The following CASKIN1 variants were observed in gnomAD, a reference collection of about 807,000 sequenced individuals.
CASKIN1 encodes the protein caskin-1.
In CASKIN1, 42 loss-of-function variants were observed where a neutral mutation model predicts 117.5. The observed-to-expected ratio is 0.36, with a 90% CI of 0.28 to 0.46. The LOEUF is 0.46. Among genes scored for constraint, CASKIN1 ranks in the 20% least tolerant of loss-of-function variants. The pLI, the probability that CASKIN1 is intolerant of heterozygous loss-of-function variation, is 1.00. For synonymous variants in CASKIN1, 1,148 were observed against 961.7 expected (o/e 1.19, Z -3.59); for missense variants, 2,083 against 2,077.3 (o/e 1.00, Z -0.05).
intron 1 of CASKIN1, among the ~76,000 whole-genome samples, chr16:2,195,719 C>A (rs552482489): frequency 6.6e-6 from 1 of 152,320 alleles, no homozygotes; most frequent in African/African-American, 2.4e-5. Flanking sequence ...CAAGCCCTTG[C>A]GCCCAGGCCG....
In CASKIN1 at chr16:2,177,853, C is replaced by A; in HGVS notation, c.*697G>T. 3.5e-6 allele frequency: 1 copy of A among 288,516 alleles called. No homozygotes were observed. The highest frequency in any genetic ancestry group is 6.6e-6 in the Non-Finnish European group (1 of 150,428). The allele number at this position is 288,516 out of a possible 1,614,324, so 17.9% of individuals were successfully genotyped here. On this transcript the variant is annotated 3_prime_UTR_variant, in exon 20 of 20. Coordinates refer to ENST00000343516, the MANE Select transcript of CASKIN1 (RefSeq NM_020764.4). ...TAGGAGAGAAGCACGGAGGAGCCCC[C>A]GGCAGAGCACCCGCCCCCGGGCCCC...
At position 2,182,149 on chromosome 16, in the gene CASKIN1, G is replaced by A. The variant is rs911750437; in HGVS notation, c.1630-220C>T. Among the ~76,000 whole-genome samples, 1 of 152,078 alleles carries A rather than the reference G, an allele frequency of 6.6e-6. No homozygotes were observed. The highest frequency in any genetic ancestry group is 2.4e-5 in the African/African-American group (1 of 41,400). ...ATCGCACACATGCGCACACACGCAC[G>A]GCTGCCCACATCCACAGGACACCCT... On this transcript the variant is annotated intron_variant, in intron 16 of 19. Coordinates refer to ENST00000343516, the MANE Select transcript of CASKIN1 (RefSeq NM_020764.4). This position sits in a 1 kb window ranked among gnomAD's most constrained non-coding sequence, Gnocchi z 4.1.
In CASKIN1 at chr16:2,179,299, G is replaced by A; in HGVS notation, c.3802C>T (p.Pro1268Ser). Residue 1268 changes from proline to serine, a missense_variant, in exon 19 of 20, where the codon CCG becomes TCG. Pro to Ser is a moderately conservative substitution (Grantham distance 74). Coordinates refer to ENST00000343516, the MANE Select transcript of CASKIN1 (RefSeq NM_020764.4). The surrounding 1 kb of genome is among the most constrained non-coding windows in gnomAD (Gnocchi z 5.8). ...GGCGGCGGCTTGGGAGACACGGGCG[G>A]TGGCGTGCCGTGGGCGCGCTTCACC... The part of the protein sequence containing the change: ...PEVKRAHGTP[P>S]PVSPKPPPPP... The A allele has an allele frequency of 8.1e-7, 1 of 1,230,428 alleles. No individual in the cohort carries two copies. Among genetic ancestry groups the A allele is most frequent in the Non-Finnish European group, 1.0e-6 (1 of 987,638 alleles). 76.2% of individuals were successfully genotyped at this position (1,230,428 alleles called of 1,614,324 possible).
intron 1 of CASKIN1, among the ~76,000 whole-genome samples, chr16:2,192,634 A>G (rs931755771): frequency 1.3e-5 from 2 of 151,592 alleles, no homozygotes; most frequent in East Asian, 3.9e-4. Flanking sequence ...CATTTTTCAG[A>G]TCCTTACCCA....
chr16:2,190,023 C>G, intron 3 of CASKIN1, 50 bp downstream of exon 3: 2 of 1,507,768 alleles, frequency 1.3e-6, no homozygotes, highest in African/African-American at 1.4e-5. Flanking sequence ...GGGGAGCCCC[C>G]CTCGCTGCCC....
rs2093172215 is a variant in CASKIN1 at position 2,182,809 on chromosome 16, GA to G, written c.1629+836del. On this transcript the variant is annotated intron_variant, in intron 16 of 19. Coordinates refer to ENST00000343516, the MANE Select transcript of CASKIN1 (RefSeq NM_020764.4). The surrounding 1 kb of genome is among the most constrained non-coding windows in gnomAD (Gnocchi z 4.1). ...ACCTCCCTGTTGTTTTGCTTTGTTTGAGACGGAGCCTCGCTCTGTCGCCCAG... is the reference window on the plus strand; with the variant it reads ...ACCTCCCTGTTGTTTTGCTTTGTTTGGACGGAGCCTCGCTCTGTCGCCCAG... 6.6e-6 allele frequency among the ~76,000 whole-genome samples: 1 copy of G among 152,250 alleles called. No homozygotes were observed. The highest frequency in any genetic ancestry group is 2.4e-5 in the African/African-American group (1 of 41,472).
rs1296009018 is a variant in CASKIN1, at chr16:2,182,312, G to A, written c.1630-383C>T. On this transcript the variant is annotated intron_variant, in intron 16 of 19. Coordinates refer to ENST00000343516, the MANE Select transcript of CASKIN1 (RefSeq NM_020764.4). This position sits in a 1 kb window ranked among gnomAD's most constrained non-coding sequence, Gnocchi z 4.1. ...ACAGGAACACGCACATGATTTGCAC[G>A]CTGCGCTCCCAGCCGTGCACAGGCA... is the stretch of plus-strand genomic sequence containing the variant. 4.6e-5 allele frequency among the ~76,000 whole-genome samples: 7 copies of A among 151,996 alleles called. No individual in the cohort carries two copies. The highest frequency in any genetic ancestry group is 8.8e-5 in the Non-Finnish European group (6 of 68,010).
chr16:2,181,258 T>C lies in CASKIN1; in HGVS notation c.2110A>G (p.Ser704Gly). 6.3e-7 allele frequency: 1 copy of C among 1,599,910 alleles called. No individual in the cohort carries two copies. The highest frequency in any genetic ancestry group is 2.2e-5 in the East Asian group (1 of 44,756). The part of the protein sequence containing the change: ...SSLGGRARHM[S>G]SSQELLGDGP... ...TCTCCCAGCAGCTCCTGCGAGCTGC[T>C]CATGTGCCGTGCCCGACCACCCAGG... The change falls in exon 18 of 20, where the codon AGC (serine) becomes GGC (glycine). Residue 704 changes from serine to glycine, a missense_variant. Physicochemically the swap from Ser to Gly is moderately conservative, Grantham distance 56. Coordinates refer to ENST00000343516, the MANE Select transcript of CASKIN1 (RefSeq NM_020764.4).
Position 2,187,236 on chromosome 16 carries a change from C to T in CASKIN1, c.765G>A (p.Gln255=), listed in dbSNP as rs2093187622. Residue 255 remains glutamine, a synonymous_variant, in exon 8 of 20, where the codon CAG becomes CAA. Coordinates refer to ENST00000343516, the MANE Select transcript of CASKIN1 (RefSeq NM_020764.4). ...INAHVRNTYS[Q]TALDIVHQFT... is the part of the protein sequence containing the mutation. ...ACTGGTGCACGATGTCCAGGGCTGT[C>T]TGGCTGTAGGTGTTCCTCACGTGGG... 6.2e-7 allele frequency: 1 copy of T among 1,613,944 alleles called. No homozygotes were observed. Among genetic ancestry groups the T allele is most frequent in the Admixed American group, 1.7e-5 (1 of 60,002 alleles).
rs531590062 is a variant in CASKIN1, at chr16:2,188,557, C to T, written c.617+470G>A. ...GTAGAGATGGGGTCTTGACATGTTG[C>T]CCAGGCTGGTCTCGAACTCCTGGCC... is the stretch of plus-strand genomic sequence containing the variant. On this transcript the variant is annotated intron_variant, in intron 6 of 19. Coordinates refer to ENST00000343516, the MANE Select transcript of CASKIN1 (RefSeq NM_020764.4). Among the ~76,000 whole-genome samples the T allele has an allele frequency of 1.1e-4, 16 of 152,160 alleles. No individual in the cohort carries two copies. The South Asian group carries it at 3.3e-3, about 32-fold the overall frequency.
intron 14 of CASKIN1, among the ~76,000 whole-genome samples, chr16:2,184,454 C>G (rs2093177635): frequency 1.3e-5 from 2 of 152,182 alleles, no homozygotes; most frequent in African/African-American, 4.8e-5. Flanking sequence ...TGCCCATGCA[C>G]ACGCTGCACC....
In CASKIN1 at chr16:2,180,545, T is replaced by C; in HGVS notation, c.2823A>G (p.Arg941=). ...NRSQSFAVRP[R]KKGPPPPPPK... Reference sequence around the variant, plus strand: ...GTGGGGGCGGCGGGGGCCCCTTCTTTCGGGGCCGCACGGCAAAGGACTGGC... The same window carrying C: ...GTGGGGGCGGCGGGGGCCCCTTCTTCCGGGGCCGCACGGCAAAGGACTGGC... Residue 941 remains arginine, a synonymous_variant, in exon 18 of 20, where the codon CGA becomes CGG. Transcript: ENST00000343516. 1.3e-6 allele frequency: 2 copies of C among 1,545,348 alleles called. No individual in the cohort carries two copies. Among genetic ancestry groups the C allele is most frequent in the Non-Finnish European group, 1.7e-6 (2 of 1,151,924 alleles).
chr16:2,190,732 G>A (rs1459502840), intron 1 of CASKIN1, among the ~76,000 whole-genome samples: 1 of 152,206 alleles, frequency 6.6e-6, no homozygotes, highest in African/African-American at 2.4e-5. Context: ...ATGGTGGGAG[G>A]GAGAGAGCCG....
At position 2,196,314 on chromosome 16, in the gene CASKIN1, C is replaced by T; in HGVS notation, c.94+25G>A. 2 of 1,132,034 alleles carry T rather than the reference C, an allele frequency of 1.8e-6. No individual in the cohort carries two copies. Among genetic ancestry groups the T allele is most frequent in the Non-Finnish European group, 2.2e-6 (2 of 913,262 alleles). 70.1% of individuals were successfully genotyped at this position (1,132,034 alleles called of 1,614,324 possible). A position where few individuals can be genotyped will look rare whatever the true frequency, so the allele number is the denominator to read the frequency against. On this transcript the variant is annotated intron_variant, in intron 1 of 19. Coordinates refer to ENST00000343516, the MANE Select transcript of CASKIN1 (RefSeq NM_020764.4). The surrounding 1 kb of genome is among the most constrained non-coding windows in gnomAD (Gnocchi z 5.7). ...GGGAGGGGCCCCCGGGGCTCCCACC[C>T]GCGCCCCGCGCCCCCGGCACTCACT... is the stretch of plus-strand genomic sequence containing the variant.
chr16:2,179,924 G>A lies in CASKIN1; in HGVS notation c.3444C>T (p.Val1148=). The change falls in exon 18 of 20, where the codon GTC becomes GTT. Residue 1148 remains valine, a synonymous_variant. Coordinates refer to ENST00000343516, the MANE Select transcript of CASKIN1 (RefSeq NM_020764.4). This position sits in a 1 kb window ranked among gnomAD's most constrained non-coding sequence, Gnocchi z 5.8. The part of the protein sequence containing the change: ...VKFILTESDT[V]KRRPKAKERE... ...GCTCCTTGGCCTTGGGCCTGCGCTT[G>A]ACCGTGTCAGACTCGGTCAGGATGA... The A allele has an allele frequency of 4.4e-6, 7 of 1,605,554 alleles. No individual in the cohort carries two copies. Among genetic ancestry groups the A allele is most frequent in the Non-Finnish European group, 5.9e-6 (7 of 1,176,618 alleles).
In CASKIN1 at chr16:2,182,069, G is replaced by A. The variant is rs1567259478; in HGVS notation, c.1630-140C>T. The A allele has an allele frequency of 1.7e-6, 2 of 1,208,722 alleles. No individual in the cohort carries two copies. The highest frequency in any genetic ancestry group is 2.3e-6 in the Non-Finnish European group (2 of 859,796). The allele number at this position is 1,208,722 out of a possible 1,614,324, so 74.9% of individuals were successfully genotyped here. A position where few individuals can be genotyped will look rare whatever the true frequency, so the allele number is the denominator to read the frequency against. On this transcript the variant is annotated intron_variant, in intron 16 of 19. Transcript: ENST00000343516. The surrounding 1 kb of genome is among the most constrained non-coding windows in gnomAD (Gnocchi z 4.1). ...GACAAACGGATAGGCCGAGGTATTG[G>A]CACCAGAAATGTAGGCAGAGCCTCG...
In CASKIN1 at chr16:2,177,980, C is replaced by G; in HGVS notation, c.*570G>C. 1 of 386,472 alleles carries G rather than the reference C, an allele frequency of 2.6e-6. No homozygotes were observed. Among genetic ancestry groups the G allele is most frequent in the South Asian group, 2.5e-5 (1 of 40,648 alleles). The allele number at this position is 386,472 out of a possible 1,614,324, so 23.9% of individuals were successfully genotyped here. On this transcript the variant is annotated 3_prime_UTR_variant, in exon 20 of 20. Coordinates refer to ENST00000343516, the MANE Select transcript of CASKIN1 (RefSeq NM_020764.4). Reference sequence around the variant, plus strand: ...CTAACAGCTTTTGTCCGGAGCTAGACTTCGTGTCCTTTCAGTTGGTAAATG... The same window carrying G: ...CTAACAGCTTTTGTCCGGAGCTAGAGTTCGTGTCCTTTCAGTTGGTAAATG...
rs751866168 is a variant in CASKIN1, at chr16:2,181,337, C to T, written c.2031G>A (p.Lys677=). The T allele has an allele frequency of 4.4e-6, 7 of 1,606,564 alleles. No homozygotes were observed. The South Asian group carries it at 5.5e-5, about 13-fold the overall frequency. The change falls in exon 18 of 20, where the codon AAG becomes AAA. Residue 677 remains lysine, a synonymous_variant. Coordinates refer to ENST00000343516, the MANE Select transcript of CASKIN1 (RefSeq NM_020764.4). ...GGGTGGGTGGCAGGTGGCTGGAGGGCTTCTCAGTGGTGGGCCCCACCTCAG... is the reference window on the plus strand; with the variant it reads ...GGGTGGGTGGCAGGTGGCTGGAGGGTTTCTCAGTGGTGGGCCCCACCTCAG... The part of the protein sequence containing the change: ...GPAEVGPTTE[K]PSSHLPPTPR...
chr16:2,177,833 G>A lies in CASKIN1; in HGVS notation c.*717C>T, dbSNP rs1051714732. 22 of 264,348 alleles carry A rather than the reference G, an allele frequency of 8.3e-5. No homozygotes were observed. Among genetic ancestry groups the A allele is most frequent in the South Asian group, 1.4e-4 (2 of 14,570 alleles). The allele number at this position is 264,348 out of a possible 1,614,324, so 16.4% of individuals were successfully genotyped here. A position where few individuals can be genotyped will look rare whatever the true frequency, so the allele number is the denominator to read the frequency against. ...TTCTTGGGGCGCAGAGAACTTAGGA[G>A]AGAAGCACGGAGGAGCCCCCGGCAG... On this transcript the variant is annotated 3_prime_UTR_variant, in exon 20 of 20. Coordinates refer to ENST00000343516, the MANE Select transcript of CASKIN1 (RefSeq NM_020764.4).
Sources: allele counts gnomAD v4.1 joint callset (sites outside exome capture counted in the v4.1 genomes callset), GRCh38; gene constraint gnomAD v4.1.1; non-coding constraint Gnocchi (gnomAD v3.1); transcripts MANE v1.5; gene names NCBI Gene and HGNC (gene_info 2026-07-23, HGNC 2026-07-21).